Variants in GRM8 observed in about 807,000 individuals in gnomAD.
The protein encoded by GRM8 is glutamate metabotropic receptor 8.
In GRM8, 47 loss-of-function variants were observed where a neutral mutation model predicts 87.2. The observed-to-expected ratio is 0.54, with a 90% CI of 0.43 to 0.69. The LOEUF (loss-of-function observed/expected upper bound fraction) is 0.69, where lower values mean the gene tolerates loss of function less well. Among genes scored for constraint, GRM8 ranks in the 30% least tolerant of loss-of-function variants. The pLI is 0.00. For missense variants in GRM8, 1,019 were observed against 1,139.2 expected (o/e 0.89, Z 1.52); for synonymous variants, 396 against 404.5 (o/e 0.98, Z 0.25).
intron 2 of GRM8, among the ~76,000 whole-genome samples, chr7:127,192,072 C>T (rs190733941): frequency 6.6e-6 from 1 of 152,144 alleles, no homozygotes; most frequent in East Asian, 1.9e-4. Flanking sequence ...TTAACAACTG[C>T]TACTCCTATT....
chr7:126,719,942 TTA>T (rs1229160658), intron 7 of GRM8, among the ~76,000 whole-genome samples: 1 of 152,078 alleles, frequency 6.6e-6, no homozygotes, highest in African/African-American at 2.4e-5. Context: ...AATTCCAATG[TTA>T]TGTTTTTTAA....
chr7:126,611,773 T>C (rs1227403443), intron 7 of GRM8, among the ~76,000 whole-genome samples: 1 of 152,250 alleles, frequency 6.6e-6, no homozygotes, highest in Non-Finnish European at 1.5e-5. Flanking sequence ...TTACCATGAA[T>C]ATACCCTAAG....
chr7:126,768,136 GA>G (rs1818404994), intron 7 of GRM8, among the ~76,000 whole-genome samples: 2 of 151,874 alleles, frequency 1.3e-5, no homozygotes, highest in Non-Finnish European at 2.9e-5. Flanking sequence ...CTATATTAGG[GA>G]AATGTCCACT....
intron 3 of GRM8, among the ~76,000 whole-genome samples, chr7:126,988,954 A>G (rs2131927666): frequency 6.6e-6 from 1 of 152,308 alleles, no homozygotes; most frequent in South Asian, 2.1e-4. Context: ...AAGAACTGTG[A>G]CTTCTATAGT....
chr7:126,829,732 T>G (rs1271336429), intron 6 of GRM8, among the ~76,000 whole-genome samples: 1 of 152,192 alleles, frequency 6.6e-6, no homozygotes, highest in Non-Finnish European at 1.5e-5. Flanking sequence ...TATGTGAATT[T>G]GATCCTGTCA....
At chr7:127,191,844 G>A (rs576156191) in intron 2 of GRM8, among the ~76,000 whole-genome samples, 29 of 152,206 alleles carry the variant, frequency 1.9e-4, no homozygotes, top group African/African-American at 6.5e-4. Flanking sequence ...GACAAGCTTC[G>A]TTTTTCTAGG....
intron 3 of GRM8, among the ~76,000 whole-genome samples, chr7:126,935,548 G>A (rs1201949946): frequency 6.6e-6 from 1 of 152,180 alleles, no homozygotes; most frequent in Non-Finnish European, 1.5e-5. Flanking sequence ...GGGAGGAGAA[G>A]AACAATTTCA....
intron 3 of GRM8, among the ~76,000 whole-genome samples, chr7:127,052,862 AT>A (rs1304476124): frequency 5.9e-5 from 9 of 152,140 alleles, no homozygotes; most frequent in Non-Finnish European, 1.0e-4. Context: ...TAGTTTGTAG[AT>A]TCTGTCTTTG....
intron 3 of GRM8, among the ~76,000 whole-genome samples, chr7:127,080,157 G>C (rs866457383): frequency 1.3e-5 from 2 of 152,114 alleles, no homozygotes; most frequent in South Asian, 2.1e-4. Context: ...AATTGGGAAG[G>C]GGGAGGCAGA....
chr7:126,659,123 A>T (rs555500826), intron 7 of GRM8, among the ~76,000 whole-genome samples: 1 of 148,382 alleles, frequency 6.7e-6, no homozygotes, highest in Non-Finnish European at 1.5e-5. Context: ...CTACTCTTAG[A>T]GAATTCAGCT....
chr7:127,117,460 T>A (rs1298285572), intron 2 of GRM8, among the ~76,000 whole-genome samples: 1 of 152,230 alleles, frequency 6.6e-6, no homozygotes, highest in Non-Finnish European at 1.5e-5. Context: ...TTCTTTGATA[T>A]CTTCTTGGAA....
At chr7:126,562,839 G>A (rs1024884414) in intron 8 of GRM8, among the ~76,000 whole-genome samples, 6 of 152,180 alleles carry the variant, frequency 3.9e-5, no homozygotes, top group African/African-American at 1.4e-4. Flanking sequence ...AGATATTGCG[G>A]TGAGCCGAGA....
intron 9 of GRM8, among the ~76,000 whole-genome samples, chr7:126,494,588 G>C (rs138557756): frequency 1.1e-3 from 169 of 152,058 alleles, no homozygotes; most frequent in African/African-American, 4.0e-3. Flanking sequence ...GAGGAAGACA[G>C]GTAAATCTTT....
At chr7:127,120,599 G>T in intron 2 of GRM8, among the ~76,000 whole-genome samples, 1 of 152,186 alleles carries the variant, frequency 6.6e-6, no homozygotes, top group East Asian at 1.9e-4. Context: ...ATGAAACATT[G>T]AATGTGTACT....
chr7:126,880,936 C>T (rs1799965875), intron 6 of GRM8, among the ~76,000 whole-genome samples: 2 of 152,212 alleles, frequency 1.3e-5, no homozygotes, highest in Admixed American at 1.3e-4. Context: ...TCCCCCTTCT[C>T]ACCAGCCTAG....
chr7:126,454,876 A>G (rs1803050099), intron 9 of GRM8, among the ~76,000 whole-genome samples: 1 of 151,784 alleles, frequency 6.6e-6, no homozygotes, highest in South Asian at 2.1e-4. Context: ...AGTATCCAGC[A>G]GTATGAGGAA....
intron 9 of GRM8, among the ~76,000 whole-genome samples, chr7:126,526,202 C>T (rs1215930989): frequency 1.3e-5 from 2 of 152,170 alleles, no homozygotes; most frequent in Non-Finnish European, 2.9e-5. Flanking sequence ...AAATCAGTCA[C>T]TACATTCTGT....
intron 2 of GRM8, among the ~76,000 whole-genome samples, chr7:127,151,449 T>C (rs142545443): frequency 7.2e-4 from 110 of 152,204 alleles, no homozygotes; most frequent in Middle Eastern, 3.4e-3. Flanking sequence ...AAGATCTGTT[T>C]GTGTCATAAA....
chr7:126,942,308 T>G (rs914183228), intron 3 of GRM8, among the ~76,000 whole-genome samples: 2 of 152,196 alleles, frequency 1.3e-5, no homozygotes, highest in Non-Finnish European at 2.9e-5. Context: ...ATGCTATTAT[T>G]TTTTTTCCAT....
Sources: allele counts gnomAD v4.1 joint callset (sites outside exome capture counted in the v4.1 genomes callset), GRCh38; gene constraint gnomAD v4.1.1; transcripts MANE v1.5; gene names NCBI Gene and HGNC (gene_info 2026-07-23, HGNC 2026-07-21).